Variants in KIR2DL4 observed in about 807,000 individuals in gnomAD.
KIR2DL4 encodes killer cell immunoglobulin like receptor, two Ig domains and long cytoplasmic tail 4, also known as killer cell immunoglobulin-like receptor 2DL4.
KIR2DL4 carries 41 observed loss-of-function variants against 31.0 expected under a neutral mutation model. The observed-to-expected ratio is 1.32, with a 90% confidence interval of 1.03 to 1.72. KIR2DL4 has a LOEUF of 1.72. Ranked by LOEUF, KIR2DL4 falls within the 40% of genes most tolerant of loss-of-function variation. The pLI, the probability that KIR2DL4 is intolerant of heterozygous loss-of-function variation, is 0.00. For missense variants in KIR2DL4, 438 were observed against 353.7 expected (o/e 1.24, Z -1.91); for synonymous variants, 164 against 133.6 (o/e 1.23, Z -1.57).
At chr19:54,811,517 T>C (rs1320117619) in intron 5 of KIR2DL4, among the ~76,000 whole-genome samples, 1 of 151,118 alleles carries the variant, frequency 6.6e-6, no homozygotes, top group East Asian at 1.9e-4. Flanking sequence ...CTTTATCCTA[T>C]CCGTAAGAAA....
intron 6 of KIR2DL4, among the ~76,000 whole-genome samples, chr19:54,813,457 G>A (rs2060999204): frequency 6.7e-6 from 1 of 150,074 alleles, no homozygotes; most frequent in Non-Finnish European, 1.5e-5. Flanking sequence ...CTCACATCCA[G>A]GAGAAGATTC....
rs1322199261 is a variant in KIR2DL4 at position 54,808,459 on chromosome 19, C to T, written c.656-374C>T. Among the ~76,000 whole-genome samples, 26 of 151,054 alleles carry T rather than the reference C, an allele frequency of 1.7e-4. 2 individuals carry two copies. The highest frequency in any genetic ancestry group is 5.9e-4 in the African/African-American group (24 of 40,840). On this transcript the variant is annotated intron_variant, in intron 4 of 7. Transcript: ENST00000359085. ...CTGCACCATTTATTGAAATGACTGT[C>T]CTTTCCAGATTGTAGATTCTTCGAA... is the stretch of plus-strand genomic sequence containing the variant.
At chr19:54,813,278 C>T in intron 6 of KIR2DL4, 1 of 1,598,510 alleles carries the variant, frequency 6.3e-7, no homozygotes, top group Non-Finnish European at 8.5e-7. Flanking sequence ...TGTGCGGAAG[C>T]AGGATGGGAG....
intron 5 of KIR2DL4, among the ~76,000 whole-genome samples, chr19:54,810,448 A>G (rs1439129723): frequency 1.3e-5 from 2 of 151,432 alleles, no homozygotes; most frequent in Non-Finnish European, 2.9e-5. Context: ...GAAATAATAG[A>G]TAATGCTGAG....
At chr19:54,813,005 CG>C (rs2060955744) in intron 5 of KIR2DL4, 1 of 680,624 alleles carries the variant, frequency 1.5e-6, no homozygotes, top group African/African-American at 2.2e-5. Context: ...TCTCCCGCCT[CG>C]TGGGTGCTTG....
chr19:54,804,431 C>A (rs1388467979), intron 2 of KIR2DL4, among the ~76,000 whole-genome samples: 1 of 151,296 alleles, frequency 6.6e-6, no homozygotes, highest in Non-Finnish European at 1.5e-5. Context: ...ACAGCCACGA[C>A]CCTGCCATTC....
At chr19:54,814,060 C>T in exon 8 of KIR2DL4, 1 of 1,612,126 alleles carries the variant, frequency 6.2e-7, no homozygotes, top group Non-Finnish European at 8.5e-7. Flanking sequence ...AGACAACAGC[C>T]CTGTCTCAAA....
chr19:54,814,132 G>C, exon 8 of KIR2DL4: 2 of 1,606,818 alleles, frequency 1.2e-6, no homozygotes, highest in Non-Finnish European at 1.7e-6. Context: ...CTCCATCTTA[G>C]AGCATCACTC....
At chr19:54,811,413 A>T (rs2060859809) in intron 5 of KIR2DL4, among the ~76,000 whole-genome samples, 2 of 151,440 alleles carry the variant, frequency 1.3e-5, no homozygotes, top group Admixed American at 1.3e-4. Flanking sequence ...ATAAAAATAA[A>T]GAATACATAA....
intron 5 of KIR2DL4, among the ~76,000 whole-genome samples, chr19:54,812,598 C>T (rs1277348978): frequency 1.3e-5 from 2 of 150,010 alleles, no homozygotes; most frequent in Admixed American, 6.6e-5. Context: ...AGAAGCAGGA[C>T]ACTACCATCT....
At chr19:54,808,920 AC>A (rs2060689490) in intron 5 of KIR2DL4, 37 bp downstream of exon 5, 9 of 1,537,672 alleles carry the variant, frequency 5.9e-6, no homozygotes, top group Non-Finnish European at 8.1e-6. Context: ...GCTTTTGGAA[AC>A]CTGGGGAGGT....
chr19:54,804,329 G>A (rs376787209), intron 2 of KIR2DL4, among the ~76,000 whole-genome samples: 1 of 151,098 alleles, frequency 6.6e-6, no homozygotes, highest in Non-Finnish European at 1.5e-5. Context: ...GTCCTCTGAG[G>A]ACAAGAGGGT....
intron 5 of KIR2DL4, among the ~76,000 whole-genome samples, chr19:54,809,298 T>G (rs1423768759): frequency 6.6e-6 from 1 of 150,456 alleles, no homozygotes; most frequent in Non-Finnish European, 1.5e-5. Context: ...CCAACCCTGG[T>G]TGACTTAGTG....
At chr19:54,806,979 C>T (rs1370339411) in intron 4 of KIR2DL4, among the ~76,000 whole-genome samples, 3 of 150,516 alleles carry the variant, frequency 2.0e-5, no homozygotes, top group Non-Finnish European at 2.9e-5. Flanking sequence ...CATGCCACTG[C>T]ACTGCAGCCT....
chr19:54,803,645 C>T, exon 1 of KIR2DL4: 2 of 1,612,312 alleles, frequency 1.2e-6, no homozygotes, highest in Non-Finnish European at 1.7e-6. Context: ...GCAGCAGAAG[C>T]TGCACCATGT....
upstream of KIR2DL4, chr19:54,803,610 A>C: frequency 6.2e-7 from 1 of 1,611,944 alleles, no homozygotes; most frequent in Non-Finnish European, 8.5e-7. Context: ...TGCACCGGTC[A>C]GTCGAGCCGA....
rs1307483976 is a variant in KIR2DL4, at chr19:54,812,045, G to A, written c.707-1080G>A. 1.1e-4 allele frequency among the ~76,000 whole-genome samples: 16 copies of A among 151,326 alleles called. 1 individual carries two copies. In the South Asian group the frequency reaches 1.5e-3, roughly 14 times the overall value. On this transcript the variant is annotated intron_variant, in intron 5 of 7. Transcript: ENST00000359085. ...AGAATGTAATTTGTTTGAGTCAAGA[G>A]GGTTGTGGATGTAGAAACTGTAAAG...
chr19:54,810,328 A>C (rs2060785997), intron 5 of KIR2DL4, among the ~76,000 whole-genome samples: 1 of 150,634 alleles, frequency 6.6e-6, no homozygotes, highest in South Asian at 2.1e-4. Context: ...AGGTTTTACC[A>C]TGTTGCCCAG....
intron 4 of KIR2DL4, among the ~76,000 whole-genome samples, chr19:54,806,595 G>A (rs2060545372): frequency 6.6e-6 from 1 of 151,430 alleles, no homozygotes; most frequent in East Asian, 1.9e-4. Flanking sequence ...ACACAGAGAT[G>A]TCATCACCAG....
Sources: allele counts gnomAD v4.1 joint callset (sites outside exome capture counted in the v4.1 genomes callset), GRCh38; gene constraint gnomAD v4.1.1; transcripts MANE v1.5; gene names NCBI Gene and HGNC (gene_info 2026-07-23, HGNC 2026-07-21).